The following ELOVL7 variants were observed in gnomAD, a reference collection of about 807,000 sequenced individuals.
The protein encoded by ELOVL7 is very long chain fatty acid elongase 7.
Under a neutral mutation model 35.7 loss-of-function variants are expected in ELOVL7, and 27 were observed. That is an observed-to-expected ratio of 0.76 (90% CI 0.56 to 1.04). ELOVL7 has a LOEUF of 1.04. ELOVL7 is among the 50% of genes least tolerant of loss of function. The pLI, the probability that ELOVL7 is intolerant of heterozygous loss-of-function variation, is 0.00. For synonymous variants in ELOVL7, 113 were observed against 114.6 expected (o/e 0.99, Z 0.09); for missense variants, 327 against 340.8 (o/e 0.96, Z 0.32).
intron 3 of ELOVL7, among the ~76,000 whole-genome samples, chr5:60,785,379 T>C (rs771041060): frequency 6.6e-6 from 1 of 152,224 alleles, no homozygotes; most frequent in Non-Finnish European, 1.5e-5. Flanking sequence ...AAGTTCATAT[T>C]AAGGCATTTT....
In ELOVL7 at chr5:60,752,964, A is replaced by G. The variant is rs1020438235; in HGVS notation, c.*1660T>C. 2 of 151,484 alleles carry G rather than the reference A, an allele frequency of 1.3e-5. No homozygotes were observed. Among genetic ancestry groups the G allele is most frequent in the Non-Finnish European group, 2.9e-5 (2 of 67,864 alleles). The allele number at this position is 151,484 out of a possible 1,614,324, so 9.4% of individuals were successfully genotyped here. On this transcript the variant is annotated 3_prime_UTR_variant, in exon 9 of 9. Transcript: ENST00000508821. ...GCTTCAGAAAAAAAAATAATAAATT[A>G]TATATATATATGTAATTACTCCCAT...
At chr5:60,807,322 G>C (rs995656780) in intron 1 of ELOVL7, among the ~76,000 whole-genome samples, 1 of 152,092 alleles carries the variant, frequency 6.6e-6, no homozygotes, top group African/African-American at 2.4e-5. Flanking sequence ...TACAACTCAG[G>C]TTCCTGAATT....
At chr5:60,812,903 T>G (rs983780383) in intron 1 of ELOVL7, among the ~76,000 whole-genome samples, 16 of 152,336 alleles carry the variant, frequency 1.1e-4, no homozygotes, top group African/African-American at 3.6e-4. Context: ...TTCATACCCC[T>G]GCACTGAAGG....
chr5:60,804,646 C>T (rs1433130165), intron 1 of ELOVL7, among the ~76,000 whole-genome samples: 1 of 152,152 alleles, frequency 6.6e-6, no homozygotes, highest in African/African-American at 2.4e-5. Flanking sequence ...AATTTAAGTG[C>T]TAGGACTTCA....
At chr5:60,806,062 T>C (rs1744907713) in intron 1 of ELOVL7, among the ~76,000 whole-genome samples, 1 of 152,182 alleles carries the variant, frequency 6.6e-6, no homozygotes, top group African/African-American at 2.4e-5. Flanking sequence ...CATTAGGTGG[T>C]CCCTAATCCA....
intron 2 of ELOVL7, among the ~76,000 whole-genome samples, chr5:60,790,979 G>T (rs1041359309): frequency 6.6e-6 from 1 of 151,688 alleles, no homozygotes; most frequent in Non-Finnish European, 1.5e-5. Context: ...TGCTTTTTTG[G>T]TTTGGTTTTG....
At chr5:60,764,145 A>T in intron 7 of ELOVL7, 82 bp downstream of exon 7, 2 of 895,118 alleles carry the variant, frequency 2.2e-6, no homozygotes, top group Non-Finnish European at 1.8e-6. Context: ...GTTTCTTATA[A>T]ATCACATTTT....
At chr5:60,775,586 C>T (rs143210182) in intron 3 of ELOVL7, among the ~76,000 whole-genome samples, 17 of 152,192 alleles carry the variant, frequency 1.1e-4, no homozygotes, top group Admixed American at 6.5e-5. Flanking sequence ...CTGTACTACA[C>T]GGCTACAGTA....
chr5:60,818,903 G>A (rs1745697915), intron 1 of ELOVL7, among the ~76,000 whole-genome samples: 1 of 151,188 alleles, frequency 6.6e-6, no homozygotes, highest in Non-Finnish European at 1.5e-5. Context: ...AGCTACTCGG[G>A]AGGCTGAGAC....
intron 3 of ELOVL7, among the ~76,000 whole-genome samples, chr5:60,783,857 C>T (rs1417608030): frequency 6.6e-6 from 1 of 152,176 alleles, no homozygotes; most frequent in East Asian, 1.9e-4. Context: ...GGTGCTCTGT[C>T]TTCCCCAGAA....
intron 2 of ELOVL7, among the ~76,000 whole-genome samples, chr5:60,789,336 G>C (rs1743785811): frequency 6.6e-6 from 1 of 152,192 alleles, no homozygotes; most frequent in Admixed American, 6.5e-5. Context: ...GGAAATACAA[G>C]TGGCACTCAA....
chr5:60,772,683 A>G (rs2112183486), intron 3 of ELOVL7, among the ~76,000 whole-genome samples: 1 of 152,278 alleles, frequency 6.6e-6, no homozygotes, highest in East Asian at 1.9e-4. Flanking sequence ...CTAACCAGAA[A>G]GCATACGGCA....
chr5:60,760,714 C>T (rs1741857201), intron 7 of ELOVL7, among the ~76,000 whole-genome samples: 1 of 152,142 alleles, frequency 6.6e-6, no homozygotes, highest in Non-Finnish European at 1.5e-5. Context: ...AGTCCTTGCC[C>T]ATGCCTATGT....
At chr5:60,818,186 C>T (rs537976879) in intron 1 of ELOVL7, among the ~76,000 whole-genome samples, 5 of 151,378 alleles carry the variant, frequency 3.3e-5, no homozygotes, top group South Asian at 2.1e-4. Flanking sequence ...GGTGTGGTGG[C>T]GGGCGCCTAT....
At position 60,789,427 on chromosome 5, in the gene ELOVL7, A is replaced by AT. The variant is rs200200577; in HGVS notation, c.-34-1997dup. 5.7e-3 allele frequency among the ~76,000 whole-genome samples: 864 copies of AT among 151,916 alleles called. 10 individuals are homozygous for AT. Among genetic ancestry groups the AT allele is most frequent in the Middle Eastern group, 0.017 (5 of 294 alleles). ...CTATTGAATAGGCCAAAATTCAAAC[A>AT]TTTTTTTTATCAAATGGGCCAAAAT... On this transcript the variant is annotated intron_variant, in intron 2 of 8. Transcript: ENST00000508821.
At chr5:60,771,802 C>A in intron 4 of ELOVL7, 101 bp downstream of exon 4, 1 of 872,244 alleles carries the variant, frequency 1.1e-6, no homozygotes, top group Non-Finnish European at 1.7e-6. Context: ...TTTCTTAATT[C>A]CTTAAATTGC....
chr5:60,806,027 A>G (rs1340234884), intron 1 of ELOVL7, among the ~76,000 whole-genome samples: 1 of 152,208 alleles, frequency 6.6e-6, no homozygotes, highest in Non-Finnish European at 1.5e-5. Context: ...GAGTCTTTCC[A>G]GAAGTCATCA....
In ELOVL7 at chr5:60,751,981, G is replaced by T. The variant is rs1043275437; in HGVS notation, c.*2643C>A. On this transcript the variant is annotated 3_prime_UTR_variant, in exon 9 of 9. Coordinates refer to ENST00000508821, the MANE Select transcript of ELOVL7 (RefSeq NM_024930.3). ...CATAGATATTTAAAAATCTATATTT[G>T]TATTTATTTATAATATAGATATAGG... 1 of 152,116 alleles carries T rather than the reference G, an allele frequency of 6.6e-6. No homozygotes were observed. Among genetic ancestry groups the T allele is most frequent in the South Asian group, 2.1e-4 (1 of 4,832 alleles). 9.4% of individuals were successfully genotyped at this position (152,116 alleles called of 1,614,324 possible).
chr5:60,823,033 C>T (rs965565472), intron 1 of ELOVL7, among the ~76,000 whole-genome samples: 1 of 152,220 alleles, frequency 6.6e-6, no homozygotes, highest in South Asian at 2.1e-4. Flanking sequence ...GTCTTGTTCA[C>T]GAAGCCTGGT....
Sources: gnomAD v4.1 joint callset for allele counts (sites outside exome capture counted in the v4.1 genomes callset) on GRCh38, gnomAD v4.1.1 for gene constraint, MANE v1.5 for transcripts, NCBI Gene and HGNC (gene_info 2026-07-23, HGNC 2026-07-21) for gene names.